The following TOX2 variants were observed in gnomAD, a reference collection of about 807,000 sequenced individuals.
TOX2 encodes the protein granulosa cell HMG box 1.
Under a neutral mutation model 47.4 loss-of-function variants are expected in TOX2, and 15 were observed. The ratio of observed to expected loss-of-function variants is 0.32; its 90% CI spans 0.21 to 0.49. TOX2 has a LOEUF of 0.49. TOX2 is among the 20% of genes least tolerant of loss of function. The probability of loss-of-function intolerance (pLI) is 0.99; values close to 1 mark genes in which losing one functional copy is unlikely to be tolerated. For missense variants in TOX2, 622 were observed against 673.1 expected (o/e 0.92, Z 0.84); for synonymous variants, 290 against 296.6 (o/e 0.98, Z 0.23).
At chr20:44,057,089 T>C (rs1244282671) in intron 5 of TOX2, among the ~76,000 whole-genome samples, 1 of 151,870 alleles carries the variant, frequency 6.6e-6, no homozygotes, top group Non-Finnish European at 1.5e-5. Context: ...AAATTTTTTC[T>C]TTTTTTTGGT....
intron 1 of TOX2, among the ~76,000 whole-genome samples, chr20:43,931,869 A>G (rs1458023914): frequency 2.0e-5 from 3 of 152,086 alleles, no homozygotes; most frequent in African/African-American, 7.2e-5. Context: ...GTTCATTCAC[A>G]CTAGCCATAT....
intron 1 of TOX2, among the ~76,000 whole-genome samples, chr20:43,958,149 G>A (rs1459858020): frequency 1.3e-5 from 2 of 152,078 alleles, no homozygotes; most frequent in Non-Finnish European, 2.9e-5. Flanking sequence ...TCCATACCTA[G>A]TTGGGTCCAA....
intron 5 of TOX2, among the ~76,000 whole-genome samples, chr20:44,062,062 G>T (rs1377889564): frequency 2.0e-5 from 3 of 151,778 alleles, no homozygotes; most frequent in Non-Finnish European, 1.5e-5. Flanking sequence ...CTGAGAACTA[G>T]AACAAGACAA....
intron 1 of TOX2, among the ~76,000 whole-genome samples, chr20:43,949,208 G>A (rs540974535): frequency 1.3e-3 from 197 of 152,282 alleles, no homozygotes; most frequent in African/African-American, 4.5e-3. Flanking sequence ...GATCATCTTT[G>A]ACCCCTTTCT....
chr20:44,045,752 G>C (rs1430419323), intron 3 of TOX2, among the ~76,000 whole-genome samples: 1 of 152,120 alleles, frequency 6.6e-6, no homozygotes, highest in Non-Finnish European at 1.5e-5. Flanking sequence ...CACTTAGCAG[G>C]TTTGCAAAAC....
At chr20:44,020,120 A>G (rs1366778556) in intron 3 of TOX2, among the ~76,000 whole-genome samples, 2 of 152,200 alleles carry the variant, frequency 1.3e-5, no homozygotes, top group Non-Finnish European at 2.9e-5. Context: ...TGAAGAGTAA[A>G]TGAGACATTA....
At chr20:44,013,727 C>T (rs181537208) in intron 3 of TOX2, among the ~76,000 whole-genome samples, 8 of 152,222 alleles carry the variant, frequency 5.3e-5, no homozygotes, top group South Asian at 4.2e-4. Flanking sequence ...TTAAAGCCTG[C>T]CTGCAGCTGC....
intron 2 of TOX2, among the ~76,000 whole-genome samples, chr20:43,995,829 A>G (rs921631140): frequency 2.6e-5 from 4 of 152,240 alleles, no homozygotes; most frequent in African/African-American, 7.2e-5. Flanking sequence ...ATGTTCCTAC[A>G]GAAGACATGA....
At position 44,065,900 on chromosome 20, in the gene TOX2, G is replaced by C. The variant is rs760386686; in HGVS notation, c.1149G>C (p.Leu383=). Residue 383 remains leucine (L), a synonymous_variant, in exon 7 of 9, where the codon CTG becomes CTC. Coordinates refer to ENST00000341197, the MANE Select transcript of TOX2 (RefSeq NM_001098797.2). ...LARTLGSKSL[L]PGLSASPPPP... The stretch of plus-strand genomic sequence containing the variant: ...GGACGCTGGGCTCCAAGTCTCTGCT[G>C]CCAGGCCTCAGTGCGTCCCCGCCGC... 2.5e-6 allele frequency: 4 copies of C among 1,611,888 alleles called. No homozygotes were observed. The highest frequency in any genetic ancestry group is 3.4e-6 in the Non-Finnish European group (4 of 1,178,652).
chr20:43,974,478 G>A (rs933556415), intron 2 of TOX2, among the ~76,000 whole-genome samples: 2 of 152,212 alleles, frequency 1.3e-5, no homozygotes, highest in African/African-American at 2.4e-5. Context: ...GGACCAGCTC[G>A]GGACACTGAT....
chr20:43,991,670 G>A (rs1200362145), intron 2 of TOX2, among the ~76,000 whole-genome samples: 1 of 149,078 alleles, frequency 6.7e-6, no homozygotes, highest in East Asian at 1.9e-4. Flanking sequence ...TTGAGTTGGA[G>A]TCTTGCTCTG....
At chr20:44,023,707 A>T (rs2071014441) in intron 3 of TOX2, among the ~76,000 whole-genome samples, 1 of 152,246 alleles carries the variant, frequency 6.6e-6, no homozygotes, top group Admixed American at 6.5e-5. Flanking sequence ...GAGGAGCTGC[A>T]GCTGGTGCTC....
intron 1 of TOX2, among the ~76,000 whole-genome samples, chr20:43,950,077 A>C (rs886751960): frequency 6.6e-6 from 1 of 152,104 alleles, no homozygotes; most frequent in Non-Finnish European, 1.5e-5. Flanking sequence ...ATGTATAACA[A>C]ACATCCTCCT....
chr20:43,994,459 CA>C (rs1555837275), intron 2 of TOX2, among the ~76,000 whole-genome samples: 1,467 of 127,842 alleles, frequency 0.011, 21 homozygotes, highest in African/African-American at 0.032. Context: ...ACCCTGTCTC[CA>C]AAAAAAAAAA....
chr20:44,027,019 C>A (rs1360665700), intron 3 of TOX2, among the ~76,000 whole-genome samples: 1 of 152,130 alleles, frequency 6.6e-6, no homozygotes, highest in Non-Finnish European at 1.5e-5. Context: ...GGTGAGGATA[C>A]AAAATATTGA....
At chr20:43,952,809 G>T (rs2069603691) in intron 1 of TOX2, among the ~76,000 whole-genome samples, 1 of 152,128 alleles carries the variant, frequency 6.6e-6, no homozygotes, top group East Asian at 1.9e-4. Context: ...CGGTACTTAC[G>T]GGACTCACTG....
chr20:43,948,671 GC>G (rs2145374473), intron 1 of TOX2, among the ~76,000 whole-genome samples: 1 of 152,328 alleles, frequency 6.6e-6, no homozygotes, highest in South Asian at 2.1e-4. Flanking sequence ...GCCCAGGGCT[GC>G]CCAGGAGCTG....
chr20:43,999,289 TTC>T (rs1187827530), intron 2 of TOX2, among the ~76,000 whole-genome samples: 1 of 152,178 alleles, frequency 6.6e-6, no homozygotes, highest in African/African-American at 2.4e-5. Context: ...ATTGATAAAG[TTC>T]TGTTTTCTTC....
At chr20:43,922,727 C>T (rs1014910804) in intron 1 of TOX2, among the ~76,000 whole-genome samples, 4 of 152,130 alleles carry the variant, frequency 2.6e-5, no homozygotes, top group South Asian at 2.1e-4. Context: ...AACTTGCTGC[C>T]GTACAGTTGC....
Sources: gnomAD v4.1 joint callset for allele counts (sites outside exome capture counted in the v4.1 genomes callset) on GRCh38, gnomAD v4.1.1 for gene constraint, MANE v1.5 for transcripts, NCBI Gene and HGNC (gene_info 2026-07-23, HGNC 2026-07-21) for gene names.